The following SIPA1L3 variants were observed in gnomAD, a reference collection of about 807,000 sequenced individuals.
SIPA1L3 encodes signal-induced proliferation-associated 1-like protein 3.
SIPA1L3 carries 59 observed loss-of-function variants against 150.1 expected under a neutral mutation model. The ratio of observed to expected loss-of-function variants is 0.39; its 90% CI spans 0.32 to 0.49. SIPA1L3 has a LOEUF of 0.49. Among genes scored for constraint, SIPA1L3 ranks in the 20% least tolerant of loss-of-function variants. The pLI is 0.86. For synonymous variants in SIPA1L3, 1,070 were observed against 1,077.6 expected (o/e 0.99, Z 0.14); for missense variants, 2,211 against 2,489.5 (o/e 0.89, Z 2.38).
At chr19:38,011,405 G>A (rs1968094076) in intron 1 of SIPA1L3, among the ~76,000 whole-genome samples, 1 of 152,196 alleles carries the variant, frequency 6.6e-6, no homozygotes, top group African/African-American at 2.4e-5. Flanking sequence ...GAGCCCCGGA[G>A]GTCCAGGCTG....
chr19:37,929,590 C>T (rs1387522680), intron 1 of SIPA1L3, among the ~76,000 whole-genome samples: 1 of 152,130 alleles, frequency 6.6e-6, no homozygotes, highest in Non-Finnish European at 1.5e-5. Flanking sequence ...GGTTAGAGTG[C>T]GAGGTCTTTG....
chr19:38,006,667 G>T (rs1967946873), intron 1 of SIPA1L3, among the ~76,000 whole-genome samples: 1 of 152,194 alleles, frequency 6.6e-6, no homozygotes, highest in African/African-American at 2.4e-5. Flanking sequence ...GGGCAGTGGT[G>T]CGGGGGGCAT....
At chr19:37,974,820 T>A (rs1967037379) in intron 1 of SIPA1L3, among the ~76,000 whole-genome samples, 1 of 152,174 alleles carries the variant, frequency 6.6e-6, no homozygotes, top group South Asian at 2.1e-4. Flanking sequence ...AATCTCTCCA[T>A]TCCCCATTAT....
intron 18 of SIPA1L3, among the ~76,000 whole-genome samples, chr19:38,197,934 CAG>C (rs1441655047): frequency 6.7e-6 from 1 of 149,874 alleles, no homozygotes; most frequent in Non-Finnish European, 1.5e-5. Flanking sequence ...CCAGGGCACT[CAG>C]GGTGAGAACA....
chr19:38,173,389 A>G (rs900091506), intron 15 of SIPA1L3, among the ~76,000 whole-genome samples: 1 of 152,268 alleles, frequency 6.6e-6, no homozygotes, highest in Non-Finnish European at 1.5e-5. Context: ...GCTGCCAGGC[A>G]TGCTGCCAGG....
chr19:38,180,557 G>A (rs1362459460), intron 15 of SIPA1L3, among the ~76,000 whole-genome samples: 1 of 100,996 alleles, frequency 9.9e-6, no homozygotes, highest in East Asian at 2.7e-4. Flanking sequence ...TTTTTTTTGA[G>A]ACAATTTCAC....
At chr19:38,098,181 G>A (rs951347509) in intron 4 of SIPA1L3, among the ~76,000 whole-genome samples, 3 of 152,142 alleles carry the variant, frequency 2.0e-5, no homozygotes, top group Non-Finnish European at 2.9e-5. Flanking sequence ...GCTGCAAAGC[G>A]ATAGAAAACC....
intron 4 of SIPA1L3, 70 bp from the exon 5 acceptor site, chr19:38,099,892 C>G (rs1568549374): frequency 2.4e-6 from 3 of 1,259,964 alleles, no homozygotes; most frequent in East Asian, 2.7e-5. Flanking sequence ...AAACAAGATA[C>G]CTCTGCTATG....
intron 2 of SIPA1L3, among the ~76,000 whole-genome samples, chr19:38,062,476 C>A (rs531168219): frequency 4.6e-4 from 70 of 152,248 alleles, no homozygotes; most frequent in Non-Finnish European, 9.0e-4. Flanking sequence ...TGTGTGGGCT[C>A]AGTGGAGCCA....
At chr19:37,942,551 C>T (rs2046669452) in intron 1 of SIPA1L3, among the ~76,000 whole-genome samples, 4 of 4,394 alleles carry the variant, frequency 9.1e-4, no homozygotes, top group African/African-American at 3.6e-3. Context: ...GGGCAGGAGA[C>T]GGGGGTGGCG....
At chr19:38,043,368 AAGAG>A (rs1412168787) in intron 2 of SIPA1L3, among the ~76,000 whole-genome samples, 3 of 151,636 alleles carry the variant, frequency 2.0e-5, no homozygotes, top group Admixed American at 6.6e-5. Flanking sequence ...GATGGAAAGA[AAGAG>A]AAAGAAAGAA....
At chr19:38,158,378 C>T (rs555841890) in intron 13 of SIPA1L3, among the ~76,000 whole-genome samples, 259 of 152,274 alleles carry the variant, frequency 1.7e-3, no homozygotes, top group African/African-American at 6.0e-3. Flanking sequence ...GGAAAGTGAA[C>T]AGCTAGTTGG....
At chr19:38,101,302 G>A in intron 6 of SIPA1L3, 76 bp downstream of exon 6, 4 of 1,115,678 alleles carry the variant, frequency 3.6e-6, no homozygotes, top group Non-Finnish European at 4.8e-6. Context: ...AAAAGGCCTG[G>A]GGATGCCACG....
intron 2 of SIPA1L3, among the ~76,000 whole-genome samples, chr19:38,040,255 G>C (rs1359354488): frequency 2.0e-5 from 3 of 152,282 alleles, no homozygotes; most frequent in East Asian, 3.9e-4. Flanking sequence ...AGAGTACGCT[G>C]TCTCCACGTC....
chr19:38,061,987 T>G (rs1439391798), intron 2 of SIPA1L3, among the ~76,000 whole-genome samples: 1 of 151,850 alleles, frequency 6.6e-6, no homozygotes, highest in African/African-American at 2.4e-5. Context: ...TTGCTGGCAT[T>G]TGGGTGTTGG....
At chr19:37,912,756 A>T (rs2046386887) in intron 1 of SIPA1L3, among the ~76,000 whole-genome samples, 1 of 152,176 alleles carries the variant, frequency 6.6e-6, no homozygotes, top group Admixed American at 6.5e-5. Context: ...CTCAGCCTAC[A>T]TGTGTTCTTT....
rs187200222 is a variant in SIPA1L3, at chr19:38,094,221, A to G, written c.1665+5370A>G. Among the ~76,000 whole-genome samples, 38 of 152,238 alleles carry G rather than the reference A, an allele frequency of 2.5e-4. No individual in the cohort carries two copies. In the East Asian group the frequency reaches 5.8e-3, roughly 23 times the overall value. On this transcript the variant is annotated intron_variant, in intron 4 of 21. Transcript: ENST00000222345. ...GTGACCCCGTTTTTGTTCAATAGGT[A>G]CATCTGACTGTGTGTGTGTCTGTGT...
intron 5 of SIPA1L3, among the ~76,000 whole-genome samples, 185 bp from the exon 6 acceptor site, chr19:38,100,866 AG>A (rs1970486815): frequency 1.3e-5 from 2 of 152,190 alleles, no homozygotes; most frequent in African/African-American, 4.8e-5. Context: ...AGTGGAAGGG[AG>A]GGGGAGGGAC....
chr19:37,908,258 T>C (rs1292987695), intron 1 of SIPA1L3, among the ~76,000 whole-genome samples: 1 of 152,206 alleles, frequency 6.6e-6, no homozygotes, highest in Admixed American at 6.5e-5. Context: ...TACCTCAGGT[T>C]CCTCATTTAC....
Sources: allele counts gnomAD v4.1 joint callset (sites outside exome capture counted in the v4.1 genomes callset), GRCh38; gene constraint gnomAD v4.1.1; transcripts MANE v1.5; gene names NCBI Gene and HGNC (gene_info 2026-07-23, HGNC 2026-07-21).